Variants in PLAC1 observed in about 807,000 individuals in gnomAD.
PLAC1 encodes placenta associated 1.
For synonymous variants in PLAC1, 68 were observed against 62.1 expected (o/e 1.09, Z -0.44); for missense variants, 136 against 163.2 (o/e 0.83, Z 0.91).
chrX:134,724,206 A>G (rs907587901), intron 2 of PLAC1, among the ~76,000 whole-genome samples: 1 of 112,291 alleles, frequency 8.9e-6, no homozygotes, highest in African/African-American at 3.2e-5. Context: ...ATGTGAATAA[A>G]CTATGGTTTA....
intron 2 of PLAC1, among the ~76,000 whole-genome samples, chrX:134,672,387 C>T (rs1403064964): frequency 4.5e-5 from 5 of 111,643 alleles, no homozygotes; most frequent in Non-Finnish European, 9.4e-5. Flanking sequence ...CTCAGAAGTC[C>T]ATGAAGCCTG....
At chrX:134,591,699 T>C (rs1007560809) in intron 2 of PLAC1, among the ~76,000 whole-genome samples, 2 of 112,579 alleles carry the variant, frequency 1.8e-5, no homozygotes, top group South Asian at 7.4e-4. Context: ...TAATTGCATG[T>C]TTAGTTTTAT....
chrX:134,644,044 C>A (rs762164698), intron 1 of PLAC1, among the ~76,000 whole-genome samples: 6 of 110,723 alleles, frequency 5.4e-5, no homozygotes, highest in South Asian at 7.6e-4. Flanking sequence ...AGAAGCAATA[C>A]ACAAGTGTTT....
intron 1 of PLAC1, among the ~76,000 whole-genome samples, chrX:134,740,842 C>A (rs1049430847): frequency 7.1e-5 from 8 of 111,914 alleles, no homozygotes; most frequent in African/African-American, 2.6e-4. Context: ...GAGCCACTAG[C>A]TCCAGGAAGG....
chrX:134,612,249 C>T (rs1373160265), intron 1 of PLAC1, among the ~76,000 whole-genome samples: 1 of 111,987 alleles, frequency 8.9e-6, no homozygotes, highest in African/African-American at 3.2e-5. Flanking sequence ...AATCAAGTCC[C>T]TCAACCTCTC....
chrX:134,698,322 G>A (rs771538733), intron 2 of PLAC1, among the ~76,000 whole-genome samples: 29 of 110,526 alleles, frequency 2.6e-4, no homozygotes, highest in African/African-American at 8.2e-4. Flanking sequence ...GTGTGGTGGC[G>A]CACACCTGTA....
rs748058081 is a variant in PLAC1 at position 134,567,650 on chromosome X, C to T, written c.-58-910G>A. On this transcript the variant is annotated intron_variant, in intron 2 of 2. Coordinates refer to ENST00000359237, the MANE Select transcript of PLAC1 (RefSeq NM_021796.4). ...GTGCACGCCTGTAGTATGAGCTACT[C>T]GGGAGGCTGAGGTGGGAGGATCGCT... Among the ~76,000 whole-genome samples, 8 of 107,624 alleles carry T rather than the reference C, an allele frequency of 7.4e-5. No individual in the cohort carries two copies. In the East Asian group the frequency reaches 1.8e-3, roughly 24 times the overall value. The allele number at this position is 107,624 out of a possible 115,157, so 93.5% of individuals were successfully genotyped here.
At chrX:134,678,207 T>G (rs2078482048) in intron 2 of PLAC1, among the ~76,000 whole-genome samples, 1 of 111,624 alleles carries the variant, frequency 9.0e-6, no homozygotes, top group Non-Finnish European at 1.9e-5. Flanking sequence ...TTATCACACT[T>G]GGAATAAAAC....
At chrX:134,583,388 CT>C (rs752955065) in intron 2 of PLAC1, among the ~76,000 whole-genome samples, 1,990 of 66,602 alleles carry the variant, frequency 0.03, 58 homozygotes, top group African/African-American at 0.1. Flanking sequence ...CTATGCCTGG[CT>C]TTTTTTTTTT....
intron 2 of PLAC1, among the ~76,000 whole-genome samples, chrX:134,673,347 G>C (rs2078462681): frequency 9.5e-6 from 1 of 105,575 alleles, no homozygotes; most frequent in Non-Finnish European, 2.0e-5. Context: ...AGGGAAGGAG[G>C]GAGGGAGGAA....
At chrX:134,682,118 G>A (rs2078499491) in intron 2 of PLAC1, among the ~76,000 whole-genome samples, 1 of 112,151 alleles carries the variant, frequency 8.9e-6, no homozygotes, top group East Asian at 2.8e-4. Context: ...ACGTAGACTT[G>A]CACCCTATAG....
At chrX:134,684,830 C>A (rs2078510771) in intron 2 of PLAC1, among the ~76,000 whole-genome samples, 1 of 111,979 alleles carries the variant, frequency 8.9e-6, no homozygotes, top group Non-Finnish European at 1.9e-5. Context: ...ACAGCCCTTG[C>A]ATTAAAATGT....
At chrX:134,583,401 T>C (rs1241837295) in intron 2 of PLAC1, among the ~76,000 whole-genome samples, 4 of 98,751 alleles carry the variant, frequency 4.1e-5, no homozygotes, top group Non-Finnish European at 8.2e-5. Context: ...TTTTTTTTTT[T>C]TTTTTGGCTT....
At chrX:134,687,188 A>G (rs190524038) in intron 2 of PLAC1, among the ~76,000 whole-genome samples, 1 of 111,764 alleles carries the variant, frequency 8.9e-6, no homozygotes, top group East Asian at 2.8e-4. Flanking sequence ...TTAATTCAAA[A>G]GCATCTAAAG....
At position 134,693,974 on chromosome X, in the gene PLAC1, A is replaced by G. The variant is rs1167804999; in HGVS notation, n.174+39461T>C. Among the ~76,000 whole-genome samples, 4 of 111,812 alleles carry G rather than the reference A, an allele frequency of 3.6e-5. No individual in the cohort carries two copies. In the East Asian group the frequency reaches 1.1e-3, roughly 32 times the overall value. Reference sequence around the variant, plus strand: ...TGGTACAAGGTTGTAGGGGAAAAAAAACAACTGTGTTTGACTTATTGAAAA... The same window carrying G: ...TGGTACAAGGTTGTAGGGGAAAAAAGACAACTGTGTTTGACTTATTGAAAA... On this transcript the variant is annotated intron_variant and non_coding_transcript_variant, in intron 2 of 2. Transcript: ENST00000466797.
At chrX:134,573,991 C>T (rs1456776237) in intron 2 of PLAC1, among the ~76,000 whole-genome samples, 1 of 110,593 alleles carries the variant, frequency 9.0e-6, no homozygotes, top group Non-Finnish European at 1.9e-5. Context: ...GGGAGGCATG[C>T]GTGCATATCG....
chrX:134,705,006 A>ATATATATATT (rs1306903649), intron 2 of PLAC1, among the ~76,000 whole-genome samples: 3 of 98,274 alleles, frequency 3.1e-5, no homozygotes, highest in Admixed American at 1.1e-4. Context: ...AAAATTATAT[A>ATATATATATT]TATATATATA....
chrX:134,663,832 T>C (rs2078425888), intron 2 of PLAC1, among the ~76,000 whole-genome samples: 1 of 112,274 alleles, frequency 8.9e-6, no homozygotes, highest in Non-Finnish European at 1.9e-5. Context: ...AGGACATTGG[T>C]TTTTATGTTT....
At chrX:134,590,631 T>C (rs999580985) in intron 2 of PLAC1, among the ~76,000 whole-genome samples, 1 of 111,630 alleles carries the variant, frequency 9.0e-6, no homozygotes, top group African/African-American at 3.3e-5. Flanking sequence ...TTTTTGTTTT[T>C]TTGAGACAGA....
Sources: allele counts gnomAD v4.1 joint callset (sites outside exome capture counted in the v4.1 genomes callset), GRCh38; gene constraint gnomAD v4.1.1; transcripts MANE v1.5; gene names NCBI Gene and HGNC (gene_info 2026-07-23, HGNC 2026-07-21).